Variants in MSI2 observed in about 807,000 individuals in gnomAD.
MSI2 encodes the protein RNA-binding protein Musashi homolog 2.
A neutral mutation model predicts 45.6 loss-of-function variants in MSI2; 17 were observed. The ratio of observed to expected loss-of-function variants is 0.37; its 90% CI spans 0.26 to 0.56. The LOEUF (loss-of-function observed/expected upper bound fraction) is 0.56. MSI2 is among the 20% of genes least tolerant of loss of function. The pLI is 0.77. For synonymous variants in MSI2, 156 were observed against 158.2 expected (o/e 0.99, Z 0.11); for missense variants, 293 against 444.2 (o/e 0.66, Z 3.06).
intron 7 of MSI2, among the ~76,000 whole-genome samples, chr17:57,585,989 T>A (rs1261766417): frequency 6.6e-6 from 1 of 152,238 alleles, no homozygotes; most frequent in South Asian, 2.1e-4. Context: ...GCGATTTAAT[T>A]TGGTGAATTT....
intron 6 of MSI2, among the ~76,000 whole-genome samples, chr17:57,416,754 G>T (rs1466365586): frequency 6.6e-6 from 1 of 152,196 alleles, no homozygotes; most frequent in Non-Finnish European, 1.5e-5. Flanking sequence ...AGTTCCTGGG[G>T]TTGGGGGGCT....
chr17:57,261,698 G>A (rs17220805), intron 4 of MSI2, among the ~76,000 whole-genome samples: 6,236 of 152,122 alleles, frequency 0.041, 188 homozygotes, highest in East Asian at 0.066. Flanking sequence ...TTATCATCAG[G>A]GAGAAGAAAT....
chr17:57,546,222 CA>C lies in MSI2; in HGVS notation c.454+16499del, dbSNP rs370446507. ...GGTTCGGTGGTAATGAATAAAGAAA[CA>C]TTACTTTCTGAACACAATCTTCTGT... On this transcript the variant is annotated intron_variant, in intron 7 of 13. Coordinates refer to ENST00000284073, the MANE Select transcript of MSI2 (RefSeq NM_138962.4). Among the ~76,000 whole-genome samples the C allele has an allele frequency of 1.9e-4, 29 of 152,264 alleles. 1 individual carries two copies. The South Asian group carries it at 5.6e-3, about 29-fold the overall frequency.
chr17:57,476,778 TGAG>T (rs1296101764), intron 6 of MSI2, among the ~76,000 whole-genome samples: 2 of 152,168 alleles, frequency 1.3e-5, no homozygotes, highest in African/African-American at 4.8e-5. Context: ...ATTTGACAGG[TGAG>T]AACATTGAGA....
chr17:57,671,506 A>G (rs1431545387), intron 11 of MSI2: 1 of 152,112 alleles, frequency 6.6e-6, no homozygotes, highest in Admixed American at 6.5e-5. Flanking sequence ...GCCTGGGGAA[A>G]GGCACCGTTC....
At chr17:57,637,971 AG>A (rs753243602) in intron 10 of MSI2, among the ~76,000 whole-genome samples, 1 of 152,260 alleles carries the variant, frequency 6.6e-6, no homozygotes, top group Non-Finnish European at 1.5e-5. Flanking sequence ...GTCTGCTAGC[AG>A]GAACTTAATC....
rs35606406 is a variant in MSI2 at position 57,597,466 on chromosome 17, TAAAAAAAAA to T, written c.537+532_537+540del. ...GGAAACATAGCCAGACCTCATCTCT[TAAAAAAAAA>T]AAAAAAAAAAAAAAATTAGCTGGGT... On this transcript the variant is annotated intron_variant, in intron 8 of 13. Coordinates refer to ENST00000284073, the MANE Select transcript of MSI2 (RefSeq NM_138962.4). 1.6e-4 allele frequency among the ~76,000 whole-genome samples: 14 copies of T among 87,136 alleles called. 1 individual carries two copies. In the South Asian group the frequency reaches 1.7e-3, roughly 11 times the overall value. The allele number at this position is 87,136 out of a possible 152,430, so 57.2% of individuals were successfully genotyped here. A position where few individuals can be genotyped will look rare whatever the true frequency, so the allele number is the denominator to read the frequency against.
At chr17:57,283,827 A>G (rs1909633916) in intron 5 of MSI2, among the ~76,000 whole-genome samples, 1 of 152,192 alleles carries the variant, frequency 6.6e-6, no homozygotes, top group South Asian at 2.1e-4. Context: ...TGCCGGGTCC[A>G]GGGGAATGTG....
intron 6 of MSI2, among the ~76,000 whole-genome samples, chr17:57,464,019 G>GTC (rs1555609465): frequency 7.5e-6 from 1 of 133,888 alleles, no homozygotes; most frequent in African/African-American, 2.9e-5. Flanking sequence ...GTGTGTGTGT[G>GTC]TATGTGTGTG....
intron 6 of MSI2, chr17:57,522,795 A>C (rs1412851300): frequency 6.6e-6 from 1 of 152,132 alleles, no homozygotes; most frequent in Admixed American, 6.6e-5. Flanking sequence ...TCCCCACCAC[A>C]CCCAGCTGCC....
chr17:57,412,205 T>G (rs941008073), intron 6 of MSI2, among the ~76,000 whole-genome samples: 5 of 151,812 alleles, frequency 3.3e-5, no homozygotes, highest in African/African-American at 9.7e-5. Flanking sequence ...GCCTGAATAA[T>G]TTTTGTATTT....
At chr17:57,454,951 G>A (rs1244108367) in intron 6 of MSI2, among the ~76,000 whole-genome samples, 1 of 152,192 alleles carries the variant, frequency 6.6e-6, no homozygotes, top group Non-Finnish European at 1.5e-5. Flanking sequence ...GCCTGCTGCT[G>A]CTCCTGTCGC....
chr17:57,313,618 A>G (rs1912592831), intron 5 of MSI2, among the ~76,000 whole-genome samples: 2 of 152,238 alleles, frequency 1.3e-5, no homozygotes, highest in Non-Finnish European at 2.9e-5. Context: ...AGTGGGAAAC[A>G]AGAGTAGGGG....
chr17:57,619,594 C>G (rs1908089738), intron 9 of MSI2, among the ~76,000 whole-genome samples: 1 of 152,186 alleles, frequency 6.6e-6, no homozygotes, highest in Non-Finnish European at 1.5e-5. Flanking sequence ...CGAGCCTGGC[C>G]ACGTGTGTGT....
At chr17:57,535,806 G>A (rs2086908902) in intron 7 of MSI2, among the ~76,000 whole-genome samples, 1 of 152,220 alleles carries the variant, frequency 6.6e-6, no homozygotes, top group Non-Finnish European at 1.5e-5. Context: ...GTTCTTCCTG[G>A]AGCTTGCTCA....
chr17:57,535,111 G>A (rs909184243), intron 7 of MSI2, among the ~76,000 whole-genome samples: 5 of 152,240 alleles, frequency 3.3e-5, no homozygotes, highest in Non-Finnish European at 5.9e-5. Flanking sequence ...GGGAGGAAGG[G>A]TGCACTGGCC....
At chr17:57,590,281 G>C (rs1324857064) in intron 7 of MSI2, among the ~76,000 whole-genome samples, 2 of 152,176 alleles carry the variant, frequency 1.3e-5, no homozygotes, top group Admixed American at 1.3e-4. Context: ...AGGCTAGGAG[G>C]AGGCTGTTCC....
chr17:57,484,902 C>G (rs1014842235), intron 6 of MSI2, among the ~76,000 whole-genome samples: 20 of 152,232 alleles, frequency 1.3e-4, no homozygotes, highest in Non-Finnish European at 2.6e-4. Context: ...TTCCCTGCTT[C>G]TCTCTCGGGG....
At position 57,529,575 on chromosome 17, in the gene MSI2, C is replaced by T; in HGVS notation, c.406-101C>T. The stretch of plus-strand genomic sequence containing the variant: ...ATTTTTTGATAAGCAACTATTACTT[C>T]TGTAATGGAAACTACCCCCTCACCC... On this transcript the variant is annotated intron_variant, in intron 6 of 13. Coordinates refer to ENST00000284073, the MANE Select transcript of MSI2 (RefSeq NM_138962.4). This position sits in a 1 kb window ranked among gnomAD's most constrained non-coding sequence, Gnocchi z 5.3. The T allele has an allele frequency of 3.0e-6, 3 of 1,008,398 alleles. No individual in the cohort carries two copies. Among genetic ancestry groups the T allele is most frequent in the African/African-American group, 1.7e-5 (1 of 60,336 alleles). The allele number at this position is 1,008,398 out of a possible 1,614,324, so 62.5% of individuals were successfully genotyped here.
Sources: allele counts gnomAD v4.1 joint callset (sites outside exome capture counted in the v4.1 genomes callset), GRCh38; gene constraint gnomAD v4.1.1; non-coding constraint Gnocchi (gnomAD v3.1); transcripts MANE v1.5; gene names NCBI Gene and HGNC (gene_info 2026-07-23, HGNC 2026-07-21).